The following LRFN2 variants were observed in gnomAD, a reference collection of about 807,000 sequenced individuals.
LRFN2 encodes the protein leucine rich repeat and fibronectin type III domain containing 2.
In LRFN2, 18 loss-of-function variants were observed where a neutral mutation model predicts 37.3. The observed-to-expected ratio is 0.48, with a 90% CI of 0.33 to 0.72. The LOEUF (loss-of-function observed/expected upper bound fraction) is 0.72. LRFN2 is among the 30% of genes least tolerant of loss of function. The pLI is 0.02. For missense variants in LRFN2, 1,006 were observed against 1,060.7 expected, an observed-to-expected ratio of 0.95 and a Z score of 0.72; for synonymous variants, 556 against 466.6, an observed-to-expected ratio of 1.19 and a Z score of -2.47.
At chr6:40,529,013 C>G (rs899550140) in intron 1 of LRFN2, among the ~76,000 whole-genome samples, 11 of 152,196 alleles carry the variant, frequency 7.2e-5, no homozygotes, top group African/African-American at 2.7e-4. Flanking sequence ...AGGGGCTCCC[C>G]ACAGACTCAC....
chr6:40,454,712 T>A (rs1466394955), intron 1 of LRFN2, among the ~76,000 whole-genome samples: 1 of 152,236 alleles, frequency 6.6e-6, no homozygotes, highest in Non-Finnish European at 1.5e-5. Context: ...ATCTAGAAAT[T>A]TATTCTGCAC....
chr6:40,547,240 G>C (rs1318250623), intron 1 of LRFN2, among the ~76,000 whole-genome samples: 1 of 151,994 alleles, frequency 6.6e-6, no homozygotes, highest in Non-Finnish European at 1.5e-5. Context: ...GAGTAGCTGG[G>C]ACTACAGGTG....
intron 1 of LRFN2, among the ~76,000 whole-genome samples, chr6:40,461,270 A>G (rs1433726): frequency 0.13 from 19,351 of 151,928 alleles, 1,400 homozygotes; most frequent in Admixed American, 0.21. Context: ...TTAGTCGGGC[A>G]TGGTAGTCAC....
intron 1 of LRFN2, among the ~76,000 whole-genome samples, chr6:40,573,503 T>A (rs1305259199): frequency 6.6e-6 from 1 of 152,226 alleles, no homozygotes; most frequent in East Asian, 1.9e-4. Flanking sequence ...CTGCCGGAGC[T>A]CCATAAATGT....
chr6:40,541,379 G>T (rs544663406), intron 1 of LRFN2, among the ~76,000 whole-genome samples: 1 of 152,310 alleles, frequency 6.6e-6, no homozygotes, highest in African/African-American at 2.4e-5. Context: ...AAGGCACAGT[G>T]CAAGGAAGAA....
In LRFN2 at chr6:40,432,290, T is replaced by C. The variant is rs1054490074; in HGVS notation, c.824A>G (p.Tyr275Cys). ...CGSPGGLKGRYFWHVREEEFV... is the reference protein window; with the variant it reads ...CGSPGGLKGRCFWHVREEEFV... ...CTCCTCCTCACGCACATGCCAGAAGTAGCGACCCTTGAGGCCCCCTGGGGA... is the reference window on the plus strand; with the variant it reads ...CTCCTCCTCACGCACATGCCAGAAGCAGCGACCCTTGAGGCCCCCTGGGGA... Residue 275 changes from tyrosine (Y) to cysteine (C), a missense_variant, in exon 2 of 3, where the codon TAC becomes TGC. Physicochemically the swap from Tyr to Cys is radical, Grantham distance 194 (BLOSUM62 -2). Coordinates refer to ENST00000338305, the MANE Select transcript of LRFN2 (RefSeq NM_020737.3). 3 of 1,613,894 alleles carry C rather than the reference T, an allele frequency of 1.9e-6. No homozygotes were observed. Among genetic ancestry groups the C allele is most frequent in the Non-Finnish European group, 1.7e-6 (2 of 1,180,016 alleles).
At chr6:40,452,281 G>C (rs1455539116) in intron 1 of LRFN2, among the ~76,000 whole-genome samples, 2 of 152,192 alleles carry the variant, frequency 1.3e-5, no homozygotes, top group Non-Finnish European at 2.9e-5. Flanking sequence ...CTCAAGGACA[G>C]AGTCATGGCT....
rs772713073 is a variant in LRFN2, at chr6:40,420,441, AAC to A, written c.1400+11271_1400+11272del. Reference sequence around the variant, plus strand: ...TCTGTGTCTCCAGAGATGAGAAAAGAACACTCACAGACAGGCAGGAAAGCAGC... The same window carrying A: ...TCTGTGTCTCCAGAGATGAGAAAAGAACTCACAGACAGGCAGGAAAGCAGC... On this transcript the variant is annotated intron_variant, in intron 2 of 2. Coordinates refer to ENST00000338305, the MANE Select transcript of LRFN2 (RefSeq NM_020737.3). 3.9e-5 allele frequency among the ~76,000 whole-genome samples: 6 copies of A among 152,356 alleles called. No individual in the cohort carries two copies. The South Asian group carries it at 6.2e-4, about 16-fold the overall frequency.
chr6:40,538,697 G>A (rs917464397), intron 1 of LRFN2, among the ~76,000 whole-genome samples: 6 of 152,334 alleles, frequency 3.9e-5, no homozygotes, highest in Admixed American at 1.3e-4. Context: ...ACTCTCACAC[G>A]TGTGTCTGAC....
intron 1 of LRFN2, among the ~76,000 whole-genome samples, chr6:40,483,349 A>C (rs1313255683): frequency 2.0e-5 from 3 of 151,946 alleles, no homozygotes; most frequent in African/African-American, 7.3e-5. Context: ...GGACTTTCCC[A>C]CTATTGCGCT....
At chr6:40,556,680 CTCTCTCTCTT>C (rs1346070050) in intron 1 of LRFN2, among the ~76,000 whole-genome samples, 11 of 151,046 alleles carry the variant, frequency 7.3e-5, no homozygotes, top group African/African-American at 2.2e-4. Context: ...CTCTCTCTCT[CTCTCTCTCTT>C]TGTTTCTCTC....
At chr6:40,460,657 G>A (rs1387212025) in intron 1 of LRFN2, among the ~76,000 whole-genome samples, 1 of 152,154 alleles carries the variant, frequency 6.6e-6, no homozygotes, top group Non-Finnish European at 1.5e-5. Context: ...AAGGGAGAGG[G>A]TGTATTTAAC....
At chr6:40,449,103 T>C (rs1468354780) in intron 1 of LRFN2, among the ~76,000 whole-genome samples, 2 of 152,170 alleles carry the variant, frequency 1.3e-5, no homozygotes, top group Non-Finnish European at 2.9e-5. Context: ...CAATTGCACA[T>C]GGTGAATATA....
At chr6:40,469,982 G>A (rs1053507685) in intron 1 of LRFN2, among the ~76,000 whole-genome samples, 4 of 152,246 alleles carry the variant, frequency 2.6e-5, no homozygotes, top group African/African-American at 9.6e-5. Flanking sequence ...CTTAGGAGCA[G>A]AGGGACAGAC....
intron 1 of LRFN2, among the ~76,000 whole-genome samples, chr6:40,509,767 G>A (rs1258082594): frequency 6.6e-6 from 1 of 151,394 alleles, no homozygotes; most frequent in African/African-American, 2.4e-5. Context: ...GGGAACACAG[G>A]ACTGTGCAGG....
intron 1 of LRFN2, among the ~76,000 whole-genome samples, chr6:40,582,714 G>GAAAA (rs35249144): frequency 2.2e-5 from 3 of 135,494 alleles, no homozygotes; most frequent in Admixed American, 7.5e-5. Context: ...AAATCACTCA[G>GAAAA]AAAAAAAAAA....
At chr6:40,529,175 A>G (rs1245834181) in intron 1 of LRFN2, among the ~76,000 whole-genome samples, 1 of 152,190 alleles carries the variant, frequency 6.6e-6, no homozygotes, top group African/African-American at 2.4e-5. Flanking sequence ...TGGAAGAAGC[A>G]GAGAGAGCAG....
At chr6:40,404,278 G>GT (rs550381563) in intron 2 of LRFN2, among the ~76,000 whole-genome samples, 1 of 151,636 alleles carries the variant, frequency 6.6e-6, no homozygotes, top group African/African-American at 2.4e-5. Context: ...TGTTTGGGTT[G>GT]TTTTTTTGTT....
chr6:40,493,772 C>T (rs62395903), intron 1 of LRFN2, among the ~76,000 whole-genome samples: 2 of 152,340 alleles, frequency 1.3e-5, no homozygotes, highest in Admixed American at 1.3e-4. Context: ...CAGACACTAA[C>T]TTCCAGCTTG....
Sources: allele counts gnomAD v4.1 joint callset (sites outside exome capture counted in the v4.1 genomes callset), GRCh38; gene constraint gnomAD v4.1.1; transcripts MANE v1.5; gene names NCBI Gene and HGNC (gene_info 2026-07-23, HGNC 2026-07-21).